The following HDAC9 variants were observed in gnomAD, a reference collection of about 807,000 sequenced individuals.
HDAC9 encodes the protein histone deacetylase 9.
In HDAC9, 41 loss-of-function variants were observed where a neutral mutation model predicts 139.4. The observed-to-expected ratio is 0.29, with a 90% CI of 0.23 to 0.38. The LOEUF (loss-of-function observed/expected upper bound fraction) is 0.38. Among genes scored for constraint, HDAC9 ranks in the 10% least tolerant of loss-of-function variants. The pLI is 1.00. For synonymous variants in HDAC9, 517 were observed against 476.2 expected, an observed-to-expected ratio of 1.09 and a Z score of -1.12; for missense variants, 1,147 against 1,297.0, an observed-to-expected ratio of 0.88 and a Z score of 1.78.
chr7:18,797,700 GCGCC>G (rs1225865650), intron 17 of HDAC9, among the ~76,000 whole-genome samples: 3 of 151,828 alleles, frequency 2.0e-5, no homozygotes, highest in Admixed American at 6.6e-5. Flanking sequence ...GTGTTGGCAG[GCGCC>G]TGTAATCCCA....
intron 13 of HDAC9, among the ~76,000 whole-genome samples, chr7:18,741,865 A>G (rs1787493784): frequency 6.6e-6 from 1 of 152,212 alleles, no homozygotes; most frequent in Admixed American, 6.5e-5. Flanking sequence ...GAGGGGGTCA[A>G]TACTTCAATG....
chr7:18,364,644 C>G (rs528903932), intron 1 of HDAC9, among the ~76,000 whole-genome samples: 1 of 152,126 alleles, frequency 6.6e-6, no homozygotes, highest in South Asian at 2.1e-4. Context: ...GAATCTAAAT[C>G]TGCATTTTAA....
chr7:18,171,555 C>T (rs1166187619), intron 2 of HDAC9, among the ~76,000 whole-genome samples: 2 of 152,092 alleles, frequency 1.3e-5, no homozygotes, highest in Non-Finnish European at 2.9e-5. Context: ...CAGTTTTTGC[C>T]CATTCAGTAT....
chr7:18,533,100 G>A (rs1044763858), intron 2 of HDAC9, among the ~76,000 whole-genome samples: 5 of 152,174 alleles, frequency 3.3e-5, no homozygotes, highest in African/African-American at 1.2e-4. Flanking sequence ...TTATAACCAT[G>A]TCAATTTTCA....
At chr7:18,693,549 A>T (rs1001051852) in intron 12 of HDAC9, among the ~76,000 whole-genome samples, 1 of 152,156 alleles carries the variant, frequency 6.6e-6, no homozygotes, top group African/African-American at 2.4e-5. Context: ...GAGAGAACAG[A>T]TGCTTCTGGT....
chr7:18,151,397 G>A (rs762860201), intron 1 of HDAC9, among the ~76,000 whole-genome samples: 1 of 152,146 alleles, frequency 6.6e-6, no homozygotes, highest in Non-Finnish European at 1.5e-5. Context: ...GAATAATGAG[G>A]TTTAATAGGA....
At chr7:18,867,555 A>T (rs186505480) in intron 21 of HDAC9, among the ~76,000 whole-genome samples, 5 of 152,240 alleles carry the variant, frequency 3.3e-5, no homozygotes, top group Non-Finnish European at 5.9e-5. Flanking sequence ...ATTCAGTGTT[A>T]CTGATTAGGA....
intron 22 of HDAC9, among the ~76,000 whole-genome samples, chr7:18,919,705 A>T (rs1051282516): frequency 4.6e-5 from 7 of 152,032 alleles, no homozygotes; most frequent in African/African-American, 1.4e-4. Context: ...GAAGTCCTAG[A>T]CCTGGAATAA....
intron 21 of HDAC9, among the ~76,000 whole-genome samples, chr7:18,870,376 T>C (rs2129242554): frequency 6.6e-6 from 1 of 152,316 alleles, no homozygotes; most frequent in Admixed American, 6.5e-5. Context: ...TTTTGTCAAA[T>C]ATTCCTCAAT....
intron 2 of HDAC9, among the ~76,000 whole-genome samples, chr7:18,177,598 A>G (rs932560280): frequency 6.6e-6 from 1 of 151,434 alleles, no homozygotes; most frequent in African/African-American, 2.4e-5. Flanking sequence ...CCCAGCTCCT[A>G]CTCCATTCTT....
intron 2 of HDAC9, among the ~76,000 whole-genome samples, chr7:18,531,185 A>G (rs1808817899): frequency 6.6e-6 from 1 of 152,082 alleles, no homozygotes. Flanking sequence ...TATAATAATT[A>G]TTATTAATTA....
chr7:18,465,749 G>A (rs762359129), intron 1 of HDAC9, among the ~76,000 whole-genome samples: 1 of 152,012 alleles, frequency 6.6e-6, no homozygotes, highest in Non-Finnish European at 1.5e-5. Context: ...TTATAGCTGT[G>A]TCTGATCTTC....
chr7:18,909,091 C>T (rs1278548041), intron 22 of HDAC9, among the ~76,000 whole-genome samples: 1 of 151,996 alleles, frequency 6.6e-6, no homozygotes, highest in African/African-American at 2.4e-5. Flanking sequence ...GCCATTCTAA[C>T]CGGGGTGAAG....
chr7:18,801,165 C>G (rs1793254171), intron 17 of HDAC9, among the ~76,000 whole-genome samples: 1 of 152,066 alleles, frequency 6.6e-6, no homozygotes, highest in South Asian at 2.1e-4. Flanking sequence ...GACAATTGAA[C>G]ATGGTGAGTA....
At chr7:18,585,650 G>C in intron 3 of HDAC9, 128 bp downstream of exon 3, 1 of 1,227,912 alleles carries the variant, frequency 8.1e-7, no homozygotes, top group African/African-American at 1.5e-5. Context: ...GGCTTGAAGG[G>C]AATTGTGATT....
intron 1 of HDAC9, among the ~76,000 whole-genome samples, chr7:18,157,019 T>C (rs1361990958): frequency 6.6e-6 from 1 of 152,074 alleles, no homozygotes; most frequent in Non-Finnish European, 1.5e-5. Flanking sequence ...GCCTCGGAGG[T>C]TGAAGCTGCA....
chr7:18,441,503 G>T (rs1791755576), intron 1 of HDAC9, among the ~76,000 whole-genome samples: 1 of 152,104 alleles, frequency 6.6e-6, no homozygotes, highest in African/African-American at 2.4e-5. Flanking sequence ...TTTCTATATA[G>T]TGGTACAACA....
intron 1 of HDAC9, among the ~76,000 whole-genome samples, chr7:18,301,556 T>C (rs1257196924): frequency 6.6e-6 from 1 of 152,166 alleles, no homozygotes; most frequent in Non-Finnish European, 1.5e-5. Flanking sequence ...TATTACTATC[T>C]AAGTATTTAA....
At chr7:18,379,923 G>A (rs1005100288) in intron 1 of HDAC9, among the ~76,000 whole-genome samples, 1 of 152,178 alleles carries the variant, frequency 6.6e-6, no homozygotes, top group Non-Finnish European at 1.5e-5. Flanking sequence ...GGGTCTTGCA[G>A]CTGGCTCTTA....
Sources: allele counts gnomAD v4.1 joint callset (sites outside exome capture counted in the v4.1 genomes callset), GRCh38; gene constraint gnomAD v4.1.1; transcripts MANE v1.5; gene names NCBI Gene and HGNC (gene_info 2026-07-23, HGNC 2026-07-21).